MYO1E: variants seen among roughly 807,000 people sequenced by gnomAD.
The protein encoded by MYO1E is myosin IE, also known as unconventional myosin-Ie.
In MYO1E, 68 loss-of-function variants were observed where a neutral mutation model predicts 151.1. The observed-to-expected ratio is 0.45, with a 90% CI of 0.37 to 0.55. MYO1E has a LOEUF of 0.55. Among genes scored for constraint, MYO1E ranks in the 20% least tolerant of loss-of-function variants. MYO1E has a pLI of 0.00. For synonymous variants in MYO1E, 601 were observed against 501.7 expected, an observed-to-expected ratio of 1.20 and a Z score of -2.64; for missense variants, 1,363 against 1,389.3, an observed-to-expected ratio of 0.98 and a Z score of 0.30.
intron 9 of MYO1E, among the ~76,000 whole-genome samples, chr15:59,219,047 A>C (rs2079937644): frequency 6.6e-6 from 1 of 152,198 alleles, no homozygotes; most frequent in African/African-American, 2.4e-5. Context: ...CATTATAAGA[A>C]GATTCCTCTG....
chr15:59,312,140 G>A (rs1472272689), intron 1 of MYO1E, among the ~76,000 whole-genome samples: 7 of 152,114 alleles, frequency 4.6e-5, no homozygotes, highest in African/African-American at 1.7e-4. Flanking sequence ...TCCTGTGCTT[G>A]GCTCTGTGCT....
chr15:59,287,313 G>A (rs1218599489), intron 1 of MYO1E, among the ~76,000 whole-genome samples: 1 of 152,230 alleles, frequency 6.6e-6, no homozygotes, highest in Non-Finnish European at 1.5e-5. Flanking sequence ...GCAGCATGCA[G>A]AGACGGGAGC....
Position 59,137,243 on chromosome 15 carries a change from TGG to T in MYO1E, c.*135_*136del. On this transcript the variant is annotated 3_prime_UTR_variant, in exon 28 of 28. Coordinates refer to ENST00000288235, the MANE Select transcript of MYO1E (RefSeq NM_004998.4). ...AACCCAGCCTTTTCAGTGTCCTCCATGGGGAAGGTACCAGAATAGCTCCAGGC... is the reference window on the plus strand; with the variant it reads ...AACCCAGCCTTTTCAGTGTCCTCCATGGAAGGTACCAGAATAGCTCCAGGC... 1.3e-6 allele frequency: 1 copy of T among 792,618 alleles called. No homozygotes were observed. Among genetic ancestry groups the T allele is most frequent in the Non-Finnish European group, 2.2e-6 (1 of 462,458 alleles). The allele number at this position is 792,618 out of a possible 1,614,324, so 49.1% of individuals were successfully genotyped here. A position where few individuals can be genotyped will look rare whatever the true frequency, so the allele number is the denominator to read the frequency against.
intron 1 of MYO1E, among the ~76,000 whole-genome samples, chr15:59,276,847 A>C (rs2080322097): frequency 1.3e-5 from 2 of 152,194 alleles, no homozygotes; most frequent in African/African-American, 2.4e-5. Flanking sequence ...GAGTCAGCAT[A>C]CACAGGAAGG....
Position 59,372,682 on chromosome 15 carries a change from G to A in MYO1E, c.-182C>T. 2.8e-6 allele frequency: 2 copies of A among 721,426 alleles called. No homozygotes were observed. The highest frequency in any genetic ancestry group is 4.4e-6 in the Non-Finnish European group (2 of 457,636). The allele number at this position is 721,426 out of a possible 1,614,324, so 44.7% of individuals were successfully genotyped here. On this transcript the variant is annotated 5_prime_UTR_variant, in exon 1 of 28. Coordinates refer to ENST00000288235, the MANE Select transcript of MYO1E (RefSeq NM_004998.4). ...GGGACTCCATCCAGGCGGGATTGGC[G>A]GTGCTAGGTGAGGGCGAGACGGCGG...
intron 14 of MYO1E, among the ~76,000 whole-genome samples, 190 bp from the exon 15 acceptor site, chr15:59,205,675 G>A (rs371930782): frequency 4.6e-5 from 7 of 152,172 alleles, no homozygotes; most frequent in African/African-American, 2.4e-5. Context: ...CAGGAAGGCT[G>A]TGCACGTCTT....
At chr15:59,157,746 T>G (rs1279458597) in intron 25 of MYO1E, among the ~76,000 whole-genome samples, 1 of 152,256 alleles carries the variant, frequency 6.6e-6, no homozygotes, top group Non-Finnish European at 1.5e-5. Context: ...TCTGTAACAC[T>G]GTGAAGACAG....
At chr15:59,141,833 G>A (rs542399604) in intron 26 of MYO1E, among the ~76,000 whole-genome samples, 2 of 150,328 alleles carry the variant, frequency 1.3e-5, no homozygotes, top group South Asian at 4.2e-4. Flanking sequence ...GGGTGCAGTG[G>A]CTCACGCCTG....
chr15:59,135,830 AG>A lies in MYO1E; in HGVS notation c.*1549del, dbSNP rs1452034471. The A allele has an allele frequency of 6.6e-6, 1 of 152,242 alleles. No individual in the cohort carries two copies. Among genetic ancestry groups the A allele is most frequent in the Non-Finnish European group, 1.5e-5 (1 of 68,044 alleles). 9.4% of individuals were successfully genotyped at this position (152,242 alleles called of 1,614,324 possible). On this transcript the variant is annotated 3_prime_UTR_variant, in exon 28 of 28. Coordinates refer to ENST00000288235, the MANE Select transcript of MYO1E (RefSeq NM_004998.4). ...ATGGCTATGGCACCCAGAGGAGGAAAGGTAGAGAAATGGCAGTCTCTACTTA... is the reference window on the plus strand; with the variant it reads ...ATGGCTATGGCACCCAGAGGAGGAAAGTAGAGAAATGGCAGTCTCTACTTA...
At chr15:59,305,961 A>G (rs1275132112) in intron 1 of MYO1E, among the ~76,000 whole-genome samples, 1 of 152,188 alleles carries the variant, frequency 6.6e-6, no homozygotes, top group African/African-American at 2.4e-5. Flanking sequence ...ACAACTGCAG[A>G]GCTACACAGC....
intron 1 of MYO1E, among the ~76,000 whole-genome samples, chr15:59,340,707 G>A (rs1434400376): frequency 6.6e-6 from 1 of 152,038 alleles, no homozygotes; most frequent in South Asian, 2.1e-4. Context: ...TTTTTATTCA[G>A]GAATAAAATC....
intron 1 of MYO1E, among the ~76,000 whole-genome samples, chr15:59,308,305 G>C (rs544934606): frequency 6.6e-6 from 1 of 151,516 alleles, no homozygotes; most frequent in Non-Finnish European, 1.5e-5. Flanking sequence ...GGAGGCTGAG[G>C]GGGGCAGATC....
intron 22 of MYO1E, among the ~76,000 whole-genome samples, chr15:59,163,781 G>A (rs2242323): frequency 0.33 from 50,075 of 152,036 alleles, 9,212 homozygotes; most frequent in East Asian, 0.58. Flanking sequence ...CAAGAGGGAA[G>A]CCAATATCCT....
Position 59,161,197 on chromosome 15 carries a change from G to A in MYO1E, c.2661C>T (p.Gly887=). The A allele has an allele frequency of 1.2e-6, 2 of 1,613,924 alleles. No homozygotes were observed. Among genetic ancestry groups the A allele is most frequent in the East Asian group, 4.5e-5 (2 of 44,850 alleles). ...GCCGGGAGCCCCCTGCACTCCAGGG[G>A]CCCCAGTTTTCCTTTTTCAACTTCA... ...LELKLKKENW[G]PWSAGGSRQV... is the part of the protein sequence containing the mutation. The change falls in exon 24 of 28, where the codon GGC becomes GGT. Residue 887 remains glycine (G), a synonymous_variant. Transcript: ENST00000288235.
intron 1 of MYO1E, chr15:59,341,366 G>A (rs1351889476): frequency 1.3e-5 from 2 of 151,916 alleles, no homozygotes; most frequent in Non-Finnish European, 2.9e-5. Context: ...CAGGAGCCAT[G>A]CTAATCTTCT....
chr15:59,175,822 T>G (rs2140318353), intron 19 of MYO1E, among the ~76,000 whole-genome samples: 1 of 152,304 alleles, frequency 6.6e-6, no homozygotes, highest in African/African-American at 2.4e-5. Context: ...TCCTAGAGAC[T>G]ATCTCAAAGA....
At chr15:59,231,666 T>G in intron 6 of MYO1E, 36 bp downstream of exon 6, 1 of 1,599,908 alleles carries the variant, frequency 6.3e-7, no homozygotes, top group Non-Finnish European at 8.6e-7. Flanking sequence ...ACATCATCAA[T>G]CAAGCGACAC....
chr15:59,298,464 T>C (rs2080463913), intron 1 of MYO1E, among the ~76,000 whole-genome samples: 1 of 152,144 alleles, frequency 6.6e-6, no homozygotes, highest in Non-Finnish European at 1.5e-5. Flanking sequence ...ACCAGAACTA[T>C]GAGTCAAGGT....
At chr15:59,296,169 G>C (rs753049458) in intron 1 of MYO1E, among the ~76,000 whole-genome samples, 1 of 152,180 alleles carries the variant, frequency 6.6e-6, no homozygotes, top group Non-Finnish European at 1.5e-5. Flanking sequence ...GAGACATCAC[G>C]CTGTGGATAA....
Sources: gnomAD v4.1 joint callset for allele counts (sites outside exome capture counted in the v4.1 genomes callset) on GRCh38, gnomAD v4.1.1 for gene constraint, MANE v1.5 for transcripts, NCBI Gene and HGNC (gene_info 2026-07-23, HGNC 2026-07-21) for gene names.